The following SRP54 variants were observed in gnomAD, a reference collection of about 807,000 sequenced individuals.
SRP54 encodes the protein signal recognition particle subunit SRP54.
A neutral mutation model predicts 64.8 loss-of-function variants in SRP54; 10 were observed. That is an observed-to-expected ratio of 0.15 (90% confidence interval 0.10 to 0.26). The LOEUF (loss-of-function observed/expected upper bound fraction) is 0.26, where lower values mean the gene tolerates loss of function less well. Among genes scored for constraint, SRP54 ranks in the 10% least tolerant of loss-of-function variants. The pLI is 1.00. For missense variants in SRP54, 325 were observed against 613.7 expected, an observed-to-expected ratio of 0.53 and a Z score of 4.97; for synonymous variants, 193 against 185.6, an observed-to-expected ratio of 1.04 and a Z score of -0.32.
chr14:35,016,959 G>C (rs2044453769), intron 11 of SRP54, among the ~76,000 whole-genome samples: 2 of 149,794 alleles, frequency 1.3e-5, no homozygotes, highest in Admixed American at 1.4e-4. Context: ...GTTTGAAGCA[G>C]TTCTCCTGCC....
At chr14:34,986,303 G>C (rs2043895000) in intron 1 of SRP54, among the ~76,000 whole-genome samples, 2 of 152,190 alleles carry the variant, frequency 1.3e-5, no homozygotes, top group South Asian at 4.1e-4. Flanking sequence ...AGACAGAGGT[G>C]GTATGATGCA....
intron 11 of SRP54, among the ~76,000 whole-genome samples, chr14:35,015,323 A>G (rs2044421206): frequency 6.6e-6 from 1 of 152,108 alleles, no homozygotes; most frequent in African/African-American, 2.4e-5. Context: ...TGATCCACCC[A>G]CCTCAGCCTC....
At chr14:34,986,963 C>CG (rs1378028628) in intron 1 of SRP54, among the ~76,000 whole-genome samples, 2 of 150,898 alleles carry the variant, frequency 1.3e-5, no homozygotes, top group Non-Finnish European at 3.0e-5. Flanking sequence ...TGGCTGGGTG[C>CG]GGTGGCTTAA....
chr14:35,028,815 T>TACAAAGAAG (rs1431519850), intron 15 of SRP54, among the ~76,000 whole-genome samples: 1 of 152,230 alleles, frequency 6.6e-6, no homozygotes, highest in Non-Finnish European at 1.5e-5. Context: ...TCCTAAGATC[T>TACAAAGAAG]TTTTATGTAT....
intron 9 of SRP54, 70 bp from the exon 10 acceptor site, chr14:35,013,732 C>T (rs775391428): frequency 3.6e-5 from 51 of 1,399,716 alleles, no homozygotes; most frequent in Non-Finnish European, 4.9e-5. Flanking sequence ...GGATTCACTT[C>T]GAATTTCAGA....
chr14:35,000,020 C>G (rs1237618077), intron 3 of SRP54, among the ~76,000 whole-genome samples: 3 of 151,958 alleles, frequency 2.0e-5, no homozygotes, highest in Non-Finnish European at 4.4e-5. Context: ...CTTAATCAAC[C>G]TTCATTATTG....
intron 1 of SRP54, among the ~76,000 whole-genome samples, chr14:34,983,554 T>C (rs1045343903): frequency 6.6e-6 from 1 of 152,248 alleles, no homozygotes; most frequent in Non-Finnish European, 1.5e-5. Context: ...ATTTTTCCTA[T>C]GTGTTTGTAG....
intron 1 of SRP54, among the ~76,000 whole-genome samples, chr14:34,994,219 G>A (rs745814399): frequency 2.6e-5 from 4 of 151,284 alleles, no homozygotes; most frequent in Non-Finnish European, 4.4e-5. Flanking sequence ...GGCTGGTCTC[G>A]AACTCCTGAC....
At chr14:35,020,574 T>C (rs2044513376) in intron 13 of SRP54, among the ~76,000 whole-genome samples, 2 of 152,232 alleles carry the variant, frequency 1.3e-5, no homozygotes. Flanking sequence ...TTATCTACTA[T>C]CTGATTTATT....
At chr14:34,990,940 C>CT (rs2043966166) in intron 1 of SRP54, among the ~76,000 whole-genome samples, 1 of 151,982 alleles carries the variant, frequency 6.6e-6, no homozygotes, top group Admixed American at 6.6e-5. Context: ...CTTTAGTTCT[C>CT]TGGTCTCGCT....
chr14:35,020,836 C>A lies in SRP54; in HGVS notation c.1156+1762C>A, dbSNP rs746461364. Among the ~76,000 whole-genome samples the A allele has an allele frequency of 3.7e-4, 56 of 152,146 alleles. 1 individual carries two copies. Among genetic ancestry groups the A allele is most frequent in the Non-Finnish European group, 5.9e-4 (40 of 68,030 alleles). On this transcript the variant is annotated intron_variant, in intron 13 of 15. Coordinates refer to ENST00000216774, the MANE Select transcript of SRP54 (RefSeq NM_003136.4). Reference sequence around the variant, plus strand: ...CTATGGCATATTCAGTTATTATCTGCCTTTTTCAAATTAGGAAACTGGGAT... The same window carrying A: ...CTATGGCATATTCAGTTATTATCTGACTTTTTCAAATTAGGAAACTGGGAT...
At chr14:35,009,713 G>A (rs1594999612) in intron 7 of SRP54, among the ~76,000 whole-genome samples, 1 of 151,982 alleles carries the variant, frequency 6.6e-6, no homozygotes, top group South Asian at 2.1e-4. Flanking sequence ...AATTATATTG[G>A]CGGTATTTTT....
chr14:35,016,851 TTTTTTTTTTC>T, intron 11 of SRP54, among the ~76,000 whole-genome samples: 1 of 136,250 alleles, frequency 7.3e-6, no homozygotes, highest in East Asian at 2.2e-4. Context: ...TTTTCTTTTT[TTTTTTTTTTC>T]TTCTTTTTTT....
chr14:34,984,549 T>G (rs1193057398), intron 1 of SRP54, among the ~76,000 whole-genome samples: 3 of 152,204 alleles, frequency 2.0e-5, no homozygotes, highest in Non-Finnish European at 4.4e-5. Flanking sequence ...TCGCCCAGAC[T>G]GGAGTACCGA....
intron 4 of SRP54, among the ~76,000 whole-genome samples, chr14:35,005,932 C>T (rs573996732): frequency 6.4e-4 from 98 of 152,140 alleles, no homozygotes; most frequent in Admixed American, 1.6e-3. Flanking sequence ...CTCCGCCACC[C>T]GGGTTCATGC....
intron 10 of SRP54, among the ~76,000 whole-genome samples, chr14:35,014,398 C>T (rs922653004): frequency 2.6e-5 from 4 of 151,886 alleles, no homozygotes; most frequent in African/African-American, 4.8e-5. Flanking sequence ...CTGCCTTAGC[C>T]TCCCAGGTAG....
chr14:35,009,987 A>T (rs1219622579), intron 7 of SRP54, among the ~76,000 whole-genome samples: 1 of 151,786 alleles, frequency 6.6e-6, no homozygotes, highest in Non-Finnish European at 1.5e-5. Flanking sequence ...GTCTCTACTA[A>T]AAATACAGAA....
chr14:34,995,134 G>GGGGTGTGT (rs772142089), intron 1 of SRP54, among the ~76,000 whole-genome samples: 6 of 70,324 alleles, frequency 8.5e-5, no homozygotes, highest in African/African-American at 2.5e-4. Context: ...ATCAATAAAG[G>GGGGTGTGT]GTGTGTGTGT....
intron 1 of SRP54, among the ~76,000 whole-genome samples, chr14:34,991,109 C>CTTTTTTTTTTTTTTTTTTTTTTTTT (rs71435838): frequency 9.0e-6 from 1 of 111,086 alleles, no homozygotes; most frequent in Non-Finnish European, 1.9e-5. Context: ...AATTTCTTTT[C>CTTTTTTTTTTTTTTTTTTTTTTTTT]TTTTTTTTTT....
Sources: gnomAD v4.1 joint callset for allele counts (sites outside exome capture counted in the v4.1 genomes callset) on GRCh38, gnomAD v4.1.1 for gene constraint, MANE v1.5 for transcripts, NCBI Gene and HGNC (gene_info 2026-07-23, HGNC 2026-07-21) for gene names.